The following TRMT11 variants were observed in gnomAD, a reference collection of about 807,000 sequenced individuals.
TRMT11 encodes the protein tRNA (guanine(10)-N(2))-methyltransferase TRMT11.
Under a neutral mutation model 62.8 loss-of-function variants are expected in TRMT11, and 53 were observed. That is an observed-to-expected ratio of 0.84 (90% CI 0.68 to 1.06). The LOEUF (loss-of-function observed/expected upper bound fraction) is 1.06, where lower values mean the gene tolerates loss of function less well. TRMT11 is among the 50% of genes least tolerant of loss of function. TRMT11 has a pLI of 0.00. For missense variants in TRMT11, 556 were observed against 553.4 expected (o/e 1.00, Z -0.05); for synonymous variants, 188 against 190.3 (o/e 0.99, Z 0.10).
intron 21 of TRMT11, among the ~76,000 whole-genome samples, chr6:126,130,331 C>A (rs1353568741): frequency 6.6e-6 from 1 of 152,014 alleles, no homozygotes; most frequent in Non-Finnish European, 1.5e-5. Context: ...TAATTGACAC[C>A]TACATAGAAA....
chr6:126,061,580 C>T (rs1004761899), intron 17 of TRMT11, among the ~76,000 whole-genome samples: 7 of 142,410 alleles, frequency 4.9e-5, no homozygotes, highest in Admixed American at 4.4e-4. Flanking sequence ...TACCTGTAAA[C>T]AGTTCAATCT....
chr6:126,140,146 A>G (rs1176726697), intron 21 of TRMT11, among the ~76,000 whole-genome samples: 1 of 151,828 alleles, frequency 6.6e-6, no homozygotes, highest in African/African-American at 2.4e-5. Context: ...TACATTACTT[A>G]TTTTTTGTCT....
At chr6:126,012,150 C>A (rs1324723233) in intron 9 of TRMT11, among the ~76,000 whole-genome samples, 1 of 152,108 alleles carries the variant, frequency 6.6e-6, no homozygotes, top group African/African-American at 2.4e-5. Flanking sequence ...GAAAAATTAT[C>A]AAGGCCTTAT....
At chr6:126,051,155 G>T (rs766848140) in intron 16 of TRMT11, among the ~76,000 whole-genome samples, 14 of 152,176 alleles carry the variant, frequency 9.2e-5, no homozygotes, top group Non-Finnish European at 1.8e-4. Context: ...ACCAAAGAGT[G>T]CATAAAGCAT....
the TRMT11 span, among the ~76,000 whole-genome samples, chr6:126,244,139 C>G: frequency 3.3e-5 from 5 of 151,278 alleles, no homozygotes; most frequent in African/African-American, 1.2e-4. Context: ...AGCATCTCGT[C>G]TCTCTCCTCT....
chr6:126,027,505 T>A lies in TRMT11; in HGVS notation c.1260+6225T>A, dbSNP rs188977019. Among the ~76,000 whole-genome samples the A allele has an allele frequency of 7.6e-4, 116 of 152,338 alleles. 2 individuals are homozygous for A. The highest frequency in any genetic ancestry group is 6.5e-3 in the Admixed American group (100 of 15,304). On this transcript the variant is annotated intron_variant, in intron 12 of 12. Coordinates refer to ENST00000334379, the MANE Select transcript of TRMT11 (RefSeq NM_001031712.3). The stretch of plus-strand genomic sequence containing the variant: ...GTGGGCCATCATGTGCCCTATTTAT[T>A]TTGTGGTTTATTTACTTCACATGCT...
At chr6:126,086,162 G>C (rs1208986356) in intron 17 of TRMT11, among the ~76,000 whole-genome samples, 1 of 152,062 alleles carries the variant, frequency 6.6e-6, no homozygotes, top group Non-Finnish European at 1.5e-5. Context: ...AAGGAAGCAC[G>C]ACTCAATTCA....
In TRMT11 at chr6:126,144,552, A is replaced by C. The variant is rs138628828; in HGVS notation, c.*1823+28697A>C. Reference sequence around the variant, plus strand: ...TATGACTAAAAAGCTTTTCCCCAAAATAAATAGTAGTTTGCCTCTCCCCAA... The same window carrying C: ...TATGACTAAAAAGCTTTTCCCCAAACTAAATAGTAGTTTGCCTCTCCCCAA... On this transcript the variant is annotated intron_variant and NMD_transcript_variant, in intron 21 of 22. Coordinates refer to the TRMT11 transcript ENST00000648977. Among the ~76,000 whole-genome samples, 298 of 152,300 alleles carry C rather than the reference A, an allele frequency of 2.0e-3. 1 individual carries two copies. Among genetic ancestry groups the C allele is most frequent in the Non-Finnish European group, 3.5e-3 (240 of 68,012 alleles).
At chr6:126,189,005 A>T (rs1778560524) in intron 1 of TRMT11, among the ~76,000 whole-genome samples, 1 of 152,148 alleles carries the variant, frequency 6.6e-6, no homozygotes, top group African/African-American at 2.4e-5. Flanking sequence ...TGAAAAAAAA[A>T]TCATAGGAGG....
intron 7 of TRMT11, among the ~76,000 whole-genome samples, chr6:125,999,893 C>T (rs776244162): frequency 1.5e-4 from 23 of 152,082 alleles, no homozygotes; most frequent in Non-Finnish European, 2.8e-4. Context: ...CAATACCATA[C>T]ATTGTAGAAA....
chr6:126,001,256 A>G (rs1291789510), intron 7 of TRMT11, among the ~76,000 whole-genome samples: 1 of 152,144 alleles, frequency 6.6e-6, no homozygotes, highest in African/African-American at 2.4e-5. Context: ...GGCTAGGATC[A>G]GGTATTATAT....
At chr6:126,170,351 TGA>T (rs1327100552) in intron 21 of TRMT11, among the ~76,000 whole-genome samples, 5 of 152,332 alleles carry the variant, frequency 3.3e-5, no homozygotes, top group South Asian at 2.1e-4. Flanking sequence ...CTTTACACTA[TGA>T]GTTTTTTATA....
At chr6:126,144,762 T>G (rs931397229) in intron 21 of TRMT11, among the ~76,000 whole-genome samples, 5 of 152,228 alleles carry the variant, frequency 3.3e-5, no homozygotes, top group Non-Finnish European at 1.5e-5. Flanking sequence ...TCTTGTTTAT[T>G]TGTTTTTGAT....
At chr6:126,107,058 TAAAAG>T (rs1019906928) in intron 17 of TRMT11, among the ~76,000 whole-genome samples, 1 of 152,188 alleles carries the variant, frequency 6.6e-6, no homozygotes, top group Non-Finnish European at 1.5e-5. Context: ...ATCCTTGTGT[TAAAAG>T]AAAAGAGTAT....
chr6:126,270,884 G>C, the TRMT11 span, among the ~76,000 whole-genome samples: 1 of 152,022 alleles, frequency 6.6e-6, no homozygotes, highest in Non-Finnish European at 1.5e-5. Context: ...TGAATACTTG[G>C]AAAGCACATC....
chr6:126,162,706 T>G (rs1180965719), intron 21 of TRMT11, among the ~76,000 whole-genome samples: 1 of 152,184 alleles, frequency 6.6e-6, no homozygotes, highest in Non-Finnish European at 1.5e-5. Flanking sequence ...ATGGAATGTT[T>G]TTCCATTTAT....
intron 8 of TRMT11, chr6:126,009,290 C>G (rs1223211774): frequency 2.6e-5 from 4 of 151,794 alleles, no homozygotes; most frequent in African/African-American, 9.7e-5. Context: ...AAGATTCTGC[C>G]TTGAACTGAG....
At chr6:126,270,595 G>A in the TRMT11 span, among the ~76,000 whole-genome samples, 102 of 152,252 alleles carry the variant, frequency 6.7e-4, 1 homozygote, top group African/African-American at 2.2e-3. Flanking sequence ...TAATTATATT[G>A]TAGTTATATA....
At chr6:126,022,908 A>ATG (rs1208216869) in intron 12 of TRMT11, among the ~76,000 whole-genome samples, 17 of 152,232 alleles carry the variant, frequency 1.1e-4, no homozygotes, top group Admixed American at 1.0e-3. Context: ...TTATATTCAA[A>ATG]TGACATCCTT....
Sources: allele counts gnomAD v4.1 joint callset (sites outside exome capture counted in the v4.1 genomes callset), GRCh38; gene constraint gnomAD v4.1.1; transcripts MANE v1.5; gene names NCBI Gene and HGNC (gene_info 2026-07-23, HGNC 2026-07-21).